KIAA0586: variants seen among roughly 807,000 people sequenced by gnomAD.
KIAA0586 encodes the protein KIAA0586.
A neutral mutation model predicts 169.8 loss-of-function variants in KIAA0586; 144 were observed. The ratio of observed to expected loss-of-function variants is 0.85; its 90% CI spans 0.74 to 0.97. KIAA0586 has a LOEUF of 0.97. Among genes scored for constraint, KIAA0586 ranks in the 50% least tolerant of loss-of-function variants. KIAA0586 has a pLI of 0.00. For synonymous variants in KIAA0586, 625 were observed against 612.4 expected (o/e 1.02, Z -0.30); for missense variants, 1,854 against 1,823.0 (o/e 1.02, Z -0.31).
chr14:58,537,797 G>A lies in KIAA0586; in HGVS notation c.4430-2274G>A, dbSNP rs575399059. Among the ~76,000 whole-genome samples the A allele has an allele frequency of 3.5e-4, 53 of 152,040 alleles. No homozygotes were observed. In the South Asian group the frequency reaches 6.0e-3, roughly 17 times the overall value. ...CGAGTAGCTGGGACTACAGGTGCCT[G>A]CCACCACGCCCGGCTAATTTTTTGT... On this transcript the variant is annotated intron_variant, in intron 29 of 30. Transcript: ENST00000652326.
rs2042507801 is a variant in KIAA0586 at position 58,487,100 on chromosome 14, G to A, written c.3238G>A (p.Asp1080Asn). The A allele has an allele frequency of 1.2e-6, 2 of 1,613,716 alleles. No individual in the cohort carries two copies. The highest frequency in any genetic ancestry group is 1.7e-6 in the Non-Finnish European group (2 of 1,179,660). ...GGAGTGTGTTTTGGTAAAGACTCCAGATTCTTCTCCCTGTGATTCGGATCA... is the reference window on the plus strand; with the variant it reads ...GGAGTGTGTTTTGGTAAAGACTCCAAATTCTTCTCCCTGTGATTCGGATCA... The part of the protein sequence containing the change: ...AKECVLVKTP[D>N]SSPCDSDHDM... The change falls in exon 22 of 31, where the codon GAT becomes AAT. Residue 1080 changes from aspartate to asparagine, a missense_variant. Physicochemically the swap from Asp to Asn is conservative, Grantham distance 23. Coordinates refer to ENST00000652326, the MANE Select transcript of KIAA0586 (RefSeq NM_001329943.3).
chr14:58,477,062 T>G (rs2041691389), intron 19 of KIAA0586, 61 bp from the exon 20 acceptor site: 2 of 925,890 alleles, frequency 2.2e-6, no homozygotes, highest in Admixed American at 4.3e-5. Context: ...ATGTCTAACA[T>G]TTTTTACATT....
intron 21 of KIAA0586, among the ~76,000 whole-genome samples, chr14:58,485,593 A>T (rs1272627539): frequency 6.6e-6 from 1 of 152,214 alleles, no homozygotes; most frequent in Non-Finnish European, 1.5e-5. Flanking sequence ...AGTCAAGATT[A>T]TTTGATAACT....
chr14:58,531,853 A>C (rs924967370), intron 29 of KIAA0586, among the ~76,000 whole-genome samples: 2 of 152,204 alleles, frequency 1.3e-5, no homozygotes, highest in East Asian at 3.8e-4. Flanking sequence ...ATATGCAGCC[A>C]TGTGTATTAT....
intron 9 of KIAA0586, among the ~76,000 whole-genome samples, chr14:58,454,427 GGAAAA>G (rs1307911527): frequency 2.6e-5 from 4 of 152,108 alleles, no homozygotes; most frequent in Middle Eastern, 6.8e-3. Context: ...AAATCAGATA[GGAAAA>G]GAAAAGAGAT....
intron 14 of KIAA0586, among the ~76,000 whole-genome samples, chr14:58,461,456 A>G (rs2040316175): frequency 6.6e-6 from 1 of 151,826 alleles, no homozygotes; most frequent in African/African-American, 2.4e-5. Flanking sequence ...TTTTTTTTAG[A>G]CAAGGTCTCA....
At position 58,487,972 on chromosome 14, in the gene KIAA0586, C is replaced by T. The variant is rs2141193804; in HGVS notation, c.3390C>T (p.Thr1130=). 6.2e-7 allele frequency: 1 copy of T among 1,613,530 alleles called. No individual in the cohort carries two copies. The highest frequency in any genetic ancestry group is 8.5e-7 in the Non-Finnish European group (1 of 1,179,730). The part of the protein sequence containing the change: ...TTPPPAAAVF[T]PTLSDISIDK... ...CTCCTCCAGCGGCGGCAGTTTTTAC[C>T]CCAACTTTGTCAGATATTTCCATTG... The change falls in exon 23 of 31, where the codon ACC becomes ACT. Residue 1130 remains threonine, a synonymous_variant. Coordinates refer to ENST00000652326, the MANE Select transcript of KIAA0586 (RefSeq NM_001329943.3).
rs373252832 is a variant in KIAA0586 at position 58,470,900 on chromosome 14, G to A, written c.2553+177G>A. ...AGAGTCTTGCTCTGTCGCCCAGGCT[G>A]GAGTGCAGTGGTGTGATCTCAGCTC... On this transcript the variant is annotated intron_variant, in intron 17 of 30. Coordinates refer to ENST00000652326, the MANE Select transcript of KIAA0586 (RefSeq NM_001329943.3). Among the ~76,000 whole-genome samples, 4 of 151,886 alleles carry A rather than the reference G, an allele frequency of 2.6e-5. 1 individual carries two copies.
At chr14:58,457,011 C>G (rs575574907) in intron 10 of KIAA0586, among the ~76,000 whole-genome samples, 3 of 152,314 alleles carry the variant, frequency 2.0e-5, no homozygotes, top group African/African-American at 7.2e-5. Context: ...TTGACCAGGA[C>G]TGAGCCATAT....
At chr14:58,444,704 G>A (rs113723661) in intron 6 of KIAA0586, among the ~76,000 whole-genome samples, 51 of 152,026 alleles carry the variant, frequency 3.4e-4, no homozygotes, top group African/African-American at 1.2e-3. Flanking sequence ...AGTTACCTGC[G>A]TGAGCTGCCA....
At chr14:58,542,218 C>T (rs1369528911) in intron 30 of KIAA0586, among the ~76,000 whole-genome samples, 1 of 152,112 alleles carries the variant, frequency 6.6e-6, no homozygotes, top group Non-Finnish European at 1.5e-5. Context: ...GTGGCTCACG[C>T]CTGTAATCCC....
intron 9 of KIAA0586, among the ~76,000 whole-genome samples, chr14:58,454,658 G>A (rs549340158): frequency 1.1e-3 from 166 of 151,950 alleles, no homozygotes; most frequent in Non-Finnish European, 1.8e-3. Context: ...TCACTTTTTC[G>A]TTGTCATTTA....
intron 3 of KIAA0586, 42 bp downstream of exon 3, chr14:58,430,759 T>C (rs1371500125): frequency 1.8e-6 from 2 of 1,125,566 alleles, no homozygotes; most frequent in Non-Finnish European, 2.7e-6. Context: ...TGACAACATA[T>C]ACATAACATA....
intron 25 of KIAA0586, 62 bp downstream of exon 25, chr14:58,490,302 GC>G: frequency 1.1e-6 from 1 of 924,646 alleles, no homozygotes; most frequent in Non-Finnish European, 1.6e-6. Flanking sequence ...TGAATTGGTT[GC>G]CACTGATCAG....
At chr14:58,466,078 T>G (rs1328479487) in intron 15 of KIAA0586, 49 bp downstream of exon 15, 5 of 1,359,742 alleles carry the variant, frequency 3.7e-6, no homozygotes, top group African/African-American at 1.5e-5. Context: ...ATTTATTTAT[T>G]TGTTTGTTTG....
At chr14:58,453,307 G>A in intron 8 of KIAA0586, 43 bp from the exon 9 acceptor site, 1 of 1,049,890 alleles carries the variant, frequency 9.5e-7, no homozygotes, top group Non-Finnish European at 1.3e-6. Context: ...CAAGAGAAAT[G>A]AATTAGTATT....
chr14:58,543,724 G>A (rs767963837), intron 30 of KIAA0586, among the ~76,000 whole-genome samples: 9 of 152,062 alleles, frequency 5.9e-5, no homozygotes, highest in Non-Finnish European at 1.0e-4. Flanking sequence ...TTCTTTATAA[G>A]TACTAAGTCT....
chr14:58,547,801 T>G lies in KIAA0586; in HGVS notation c.4516T>G (p.Ser1506Ala). The change falls in exon 31 of 31, where the codon TCC becomes GCC. Residue 1506 changes from serine to alanine, a missense_variant. Coordinates refer to ENST00000652326, the MANE Select transcript of KIAA0586 (RefSeq NM_001329943.3). ...TGCAGGTGGGAAAGCAGTGCCACTCTCCGCTTCACAGATGCCCCCTGCCAA... is the reference window on the plus strand; with the variant it reads ...TGCAGGTGGGAAAGCAGTGCCACTCGCCGCTTCACAGATGCCCCCTGCCAA... ...VFSGGKAVPLSASQMPPAKMS... is the reference protein window; with the variant it reads ...VFSGGKAVPLAASQMPPAKMS... 6.2e-7 allele frequency: 1 copy of G among 1,612,692 alleles called. No individual in the cohort carries two copies. The highest frequency in any genetic ancestry group is 1.7e-5 in the Admixed American group (1 of 59,948).
downstream of KIAA0586, among the ~76,000 whole-genome samples, chr14:58,551,752 T>G (rs1364098647): frequency 6.6e-6 from 1 of 151,396 alleles, no homozygotes; most frequent in Admixed American, 6.6e-5. Flanking sequence ...GGTGACAGAG[T>G]GAGACTGTCT....
Sources: allele counts gnomAD v4.1 joint callset (sites outside exome capture counted in the v4.1 genomes callset), GRCh38; gene constraint gnomAD v4.1.1; transcripts MANE v1.5; gene names NCBI Gene and HGNC (gene_info 2026-07-23, HGNC 2026-07-21).